The following CNTNAP2 variants were observed in gnomAD, a reference collection of about 807,000 sequenced individuals.
CNTNAP2 encodes the protein contactin associated protein 2.
A neutral mutation model predicts 155.2 loss-of-function variants in CNTNAP2; 98 were observed. The ratio of observed to expected loss-of-function variants is 0.63; its 90% CI spans 0.54 to 0.75. The LOEUF (loss-of-function observed/expected upper bound fraction) is 0.75. CNTNAP2 is among the 30% of genes least tolerant of loss of function. The probability of loss-of-function intolerance (pLI) is 0.00; values close to 1 mark genes in which losing one functional copy is unlikely to be tolerated. For missense variants in CNTNAP2, 1,727 were observed against 1,688.1 expected (o/e 1.02, Z -0.40); for synonymous variants, 651 against 631.2 (o/e 1.03, Z -0.47).
At chr7:146,693,766 T>C (rs1453573612) in intron 1 of CNTNAP2, among the ~76,000 whole-genome samples, 1 of 152,190 alleles carries the variant, frequency 6.6e-6, no homozygotes. Flanking sequence ...ATGTACAGGA[T>C]GTGCAGGTTT....
chr7:146,769,421 A>T (rs76597404), intron 1 of CNTNAP2, among the ~76,000 whole-genome samples: 1 of 152,208 alleles, frequency 6.6e-6, no homozygotes, highest in African/African-American at 2.4e-5. Context: ...TAGAATGCAT[A>T]ATGAGTGATA....
intron 13 of CNTNAP2, among the ~76,000 whole-genome samples, chr7:147,807,792 G>A (rs1459266068): frequency 6.6e-6 from 1 of 152,070 alleles, no homozygotes; most frequent in African/African-American, 2.4e-5. Context: ...TGCCCTAGTT[G>A]GTGATGTGAG....
chr7:148,116,353 T>C (rs1019854025), intron 15 of CNTNAP2, among the ~76,000 whole-genome samples: 6 of 152,162 alleles, frequency 3.9e-5, no homozygotes, highest in Non-Finnish European at 8.8e-5. Flanking sequence ...TCAATGTAAA[T>C]ACTGAAACGA....
intron 9 of CNTNAP2, among the ~76,000 whole-genome samples, chr7:147,384,976 C>A (rs2116938153): frequency 6.6e-6 from 1 of 152,224 alleles, no homozygotes; most frequent in South Asian, 2.1e-4. Flanking sequence ...CTTACAGTTC[C>A]ACATGGCTGG....
chr7:146,143,388 A>T lies in CNTNAP2; in HGVS notation c.97+26415A>T, dbSNP rs556040937. Among the ~76,000 whole-genome samples, 45 of 152,286 alleles carry T rather than the reference A, an allele frequency of 3.0e-4. 1 individual carries two copies. Among genetic ancestry groups the T allele is most frequent in the African/African-American group, 1.1e-3 (45 of 41,578 alleles). Reference sequence around the variant, plus strand: ...TTAGATGTTAAGTTATTAAAATTTTAGTTTTCCATGAATAAGGACAAAAAC... The same window carrying T: ...TTAGATGTTAAGTTATTAAAATTTTTGTTTTCCATGAATAAGGACAAAAAC... On this transcript the variant is annotated intron_variant, in intron 1 of 23. Transcript: ENST00000361727.
intron 7 of CNTNAP2, among the ~76,000 whole-genome samples, chr7:147,130,985 TTTAATGG>T (rs1302959043): frequency 6.6e-6 from 1 of 151,396 alleles, no homozygotes; most frequent in Admixed American, 6.6e-5. Flanking sequence ...CTGCCTTAGA[TTTAATGG>T]TTATTGTGCT....
rs1004334851 is a variant in CNTNAP2, at chr7:148,334,309, G to C, written c.3476-49340G>C. Among the ~76,000 whole-genome samples, 4 of 152,272 alleles carry C rather than the reference G, an allele frequency of 2.6e-5. No homozygotes were observed. The East Asian group carries it at 7.7e-4, about 29-fold the overall frequency. ...TCAAGGGAGGACAGAGGCAAGAGAAGCACAGTTCACTCTCGGGGCTGAAGG... is the reference window on the plus strand; with the variant it reads ...TCAAGGGAGGACAGAGGCAAGAGAACCACAGTTCACTCTCGGGGCTGAAGG... On this transcript the variant is annotated intron_variant, in intron 21 of 23. Coordinates refer to ENST00000361727, the MANE Select transcript of CNTNAP2 (RefSeq NM_014141.6).
rs1396313317 is a variant in CNTNAP2, at chr7:147,562,137, G to C, written c.1778-1G>C. Reference sequence around the variant, plus strand: ...TATGTAGGATATTTTGTTTGTTCTAGCTATCTACGAGCCTTCCTGTGAAGC... The same window carrying C: ...TATGTAGGATATTTTGTTTGTTCTACCTATCTACGAGCCTTCCTGTGAAGC... On this transcript the variant is annotated splice_acceptor_variant, in intron 11 of 23. Coordinates refer to ENST00000361727, the MANE Select transcript of CNTNAP2 (RefSeq NM_014141.6). LOFTEE classifies it high-confidence loss of function. The C allele has an allele frequency of 6.2e-7, 1 of 1,613,896 alleles. No individual in the cohort carries two copies. Among genetic ancestry groups the C allele is most frequent in the Non-Finnish European group, 8.5e-7 (1 of 1,179,844 alleles).
At chr7:146,566,734 A>AAAATTT (rs1798363522) in intron 1 of CNTNAP2, among the ~76,000 whole-genome samples, 2 of 151,472 alleles carry the variant, frequency 1.3e-5, no homozygotes, top group South Asian at 2.1e-4. Context: ...AATTAAAATT[A>AAAATTT]AAAAAAAGGA....
chr7:147,491,609 C>T (rs1388492646), intron 11 of CNTNAP2, among the ~76,000 whole-genome samples: 1 of 152,194 alleles, frequency 6.6e-6, no homozygotes, highest in Admixed American at 6.5e-5. Flanking sequence ...ATCTGAGGCT[C>T]GCCCAGCACA....
intron 1 of CNTNAP2, among the ~76,000 whole-genome samples, chr7:146,568,637 C>CA (rs1355958463): frequency 6.6e-6 from 1 of 152,092 alleles, no homozygotes; most frequent in South Asian, 2.1e-4. Context: ...ATTCTTGATT[C>CA]AAAAAATCAT....
chr7:146,209,961 G>A (rs985002306), intron 1 of CNTNAP2, among the ~76,000 whole-genome samples: 5 of 152,100 alleles, frequency 3.3e-5, no homozygotes, highest in African/African-American at 1.2e-4. Context: ...AAAACTTACT[G>A]TACAGGGCCT....
chr7:146,563,756 C>A (rs1563136610), intron 1 of CNTNAP2, among the ~76,000 whole-genome samples: 2 of 152,076 alleles, frequency 1.3e-5, no homozygotes, highest in Admixed American at 1.3e-4. Context: ...GAGGTTACAC[C>A]ACTTTGCCCT....
chr7:147,124,601 A>G (rs1407683748), intron 6 of CNTNAP2, among the ~76,000 whole-genome samples: 2 of 152,172 alleles, frequency 1.3e-5, no homozygotes, highest in Non-Finnish European at 2.9e-5. Flanking sequence ...TCAAGAACAT[A>G]TACGAAAGTA....
intron 1 of CNTNAP2, among the ~76,000 whole-genome samples, chr7:146,184,330 A>G (rs1403923493): frequency 6.6e-6 from 1 of 152,194 alleles, no homozygotes; most frequent in East Asian, 1.9e-4. Context: ...AGACTTCCAA[A>G]ATAACCGAAA....
chr7:148,330,386 C>T (rs190797096), intron 21 of CNTNAP2, among the ~76,000 whole-genome samples: 14 of 132,298 alleles, frequency 1.1e-4, no homozygotes, highest in Non-Finnish European at 1.5e-4. Context: ...ATGGAGTGGA[C>T]GGATAGAGTG....
chr7:147,922,287 G>A (rs772864553), intron 14 of CNTNAP2, among the ~76,000 whole-genome samples: 1 of 152,180 alleles, frequency 6.6e-6, no homozygotes, highest in Non-Finnish European at 1.5e-5. Context: ...TGTATGAATT[G>A]GTTTTGTGTT....
intron 3 of CNTNAP2, among the ~76,000 whole-genome samples, chr7:146,904,218 A>G (rs1796067651): frequency 6.6e-6 from 1 of 152,040 alleles, no homozygotes; most frequent in East Asian, 1.9e-4. Context: ...TTACTCTAGC[A>G]TAGCAAGCAC....
chr7:148,081,812 T>C (rs78939232), intron 15 of CNTNAP2, among the ~76,000 whole-genome samples: 5,823 of 151,766 alleles, frequency 0.038, 198 homozygotes, highest in Admixed American at 0.11. Flanking sequence ...ATATGATAAA[T>C]GACAGTGATT....
Sources: allele counts gnomAD v4.1 joint callset (sites outside exome capture counted in the v4.1 genomes callset), GRCh38; gene constraint gnomAD v4.1.1; transcripts MANE v1.5; gene names NCBI Gene and HGNC (gene_info 2026-07-23, HGNC 2026-07-21).